Variants in ZNF541 observed in about 807,000 individuals in gnomAD.
ZNF541 encodes zinc finger protein 541.
Under a neutral mutation model 123.5 loss-of-function variants are expected in ZNF541, and 23 were observed. The ratio of observed to expected loss-of-function variants is 0.19; its 90% CI spans 0.13 to 0.26. The LOEUF is 0.26. ZNF541 is among the 10% of genes least tolerant of loss of function. The pLI is 1.00. For synonymous variants in ZNF541, 751 were observed against 754.5 expected (o/e 1.00, Z 0.08); for missense variants, 1,612 against 1,789.9 (o/e 0.90, Z 1.79).
rs142780697 is a variant in ZNF541, at chr19:47,539,608, C to T, written c.2796+97G>A. 140 of 1,305,662 alleles carry T rather than the reference C, an allele frequency of 1.1e-4. No individual in the cohort carries two copies. The East Asian group carries it at 4.0e-3, about 38-fold the overall frequency. 80.9% of individuals were successfully genotyped at this position (1,305,662 alleles called of 1,614,324 possible). On this transcript the variant is annotated intron_variant, in intron 8 of 16. Coordinates refer to ENST00000391901, the MANE Select transcript of ZNF541 (RefSeq NM_001277075.3). ...TGAGCCACCACATCCAGCCTGGAGT[C>T]AAAGATTTTCTGTGGTATCTGGTTT...
intron 2 of ZNF541, among the ~76,000 whole-genome samples, chr19:47,556,295 C>G (rs1599725336): frequency 6.6e-6 from 1 of 152,066 alleles, no homozygotes; most frequent in African/African-American, 2.4e-5. Flanking sequence ...GGAAAAATCC[C>G]AAGTGCCAGC....
intron 3 of ZNF541, among the ~76,000 whole-genome samples, chr19:47,552,351 C>A (rs569286027): frequency 1.3e-5 from 2 of 152,088 alleles, no homozygotes; most frequent in African/African-American, 4.8e-5. Context: ...GTCTTGAGGC[C>A]TAGACTCTCC....
chr19:47,535,849 G>A (rs543915529), intron 9 of ZNF541, among the ~76,000 whole-genome samples: 11 of 152,128 alleles, frequency 7.2e-5, no homozygotes, highest in East Asian at 3.9e-4. Context: ...CTAACCCAGC[G>A]GCGCTAGAGG....
intron 1 of ZNF541, among the ~76,000 whole-genome samples, 61 bp downstream of exon 1, chr19:47,573,012 AAAGAGGAAAT>A (rs1410109043): frequency 6.6e-6 from 1 of 151,744 alleles, no homozygotes; most frequent in Non-Finnish European, 1.5e-5. Flanking sequence ...GGGGTTGAAA[AAAGAGGAAAT>A]AATAGTAATG....
intron 4 of ZNF541, among the ~76,000 whole-genome samples, chr19:47,546,912 G>C (rs1265811549): frequency 6.6e-6 from 1 of 152,128 alleles, no homozygotes; most frequent in African/African-American, 2.4e-5. Flanking sequence ...TAGAGACGGG[G>C]TTTTGCCTTG....
chr19:47,524,694 C>A (rs917281309), intron 14 of ZNF541, among the ~76,000 whole-genome samples: 1 of 140,036 alleles, frequency 7.1e-6, no homozygotes, highest in Non-Finnish European at 1.5e-5. Flanking sequence ...GGTGACATAG[C>A]GAGACTCTGT....
intron 2 of ZNF541, among the ~76,000 whole-genome samples, chr19:47,558,100 AG>A (rs1486810302): frequency 6.6e-6 from 1 of 152,144 alleles, no homozygotes; most frequent in Non-Finnish European, 1.5e-5. Flanking sequence ...TAATGGCCTT[AG>A]AAAAAATAAG....
chr19:47,549,111 A>T, intron 4 of ZNF541, 134 bp downstream of exon 4: 5 of 1,162,590 alleles, frequency 4.3e-6, no homozygotes, highest in South Asian at 1.5e-5. Flanking sequence ...GGCTGAGCAG[A>T]GGTAATACAC....
intron 14 of ZNF541, among the ~76,000 whole-genome samples, chr19:47,527,793 G>A (rs1364132167): frequency 3.3e-5 from 5 of 150,914 alleles, no homozygotes; most frequent in South Asian, 2.1e-4. Context: ...TCCGCTTCCC[G>A]GGTTCAAGCG....
At chr19:47,559,235 G>C (rs1271522621) in intron 2 of ZNF541, among the ~76,000 whole-genome samples, 1 of 151,764 alleles carries the variant, frequency 6.6e-6, no homozygotes, top group African/African-American at 2.4e-5. Flanking sequence ...AGCTGGGCAT[G>C]ATGGTAGGCA....
At position 47,540,910 on chromosome 19, in the gene ZNF541, C is replaced by T. The variant is rs573431777; in HGVS notation, c.2445G>A (p.Glu815=). 12 of 1,551,376 alleles carry T rather than the reference C, an allele frequency of 7.7e-6. No individual in the cohort carries two copies. The East Asian group carries it at 2.7e-4, about 35-fold the overall frequency. The stretch of plus-strand genomic sequence containing the variant: ...TAACTTACCCTCTGCCTGCCACATT[C>T]TCTTCCTTCACCGGATGGGGGAGCC... ...IYRLPHPVKE[E]NVAGRGNQQN... is the part of the protein sequence containing the mutation. The change falls in exon 6 of 17, where the codon GAG becomes GAA. Residue 815 remains glutamate, a synonymous_variant. Transcript: ENST00000391901.
chr19:47,550,369 GGAAAGA>G (rs1021421258), intron 3 of ZNF541, among the ~76,000 whole-genome samples: 23 of 135,260 alleles, frequency 1.7e-4, no homozygotes, highest in African/African-American at 5.5e-4. Flanking sequence ...AAGGAAAGAA[GGAAAGA>G]GAAAGAGAAA....
rs180761948 is a variant in ZNF541, at chr19:47,556,197, G to A, written c.-98-243C>T. ...ATAAAAGTACTTCCAGCAACATGGT[G>A]GACTGAACTGACCTCTTGCTCCAGC... is the stretch of plus-strand genomic sequence containing the variant. On this transcript the variant is annotated intron_variant, in intron 2 of 16. Transcript: ENST00000391901. Among the ~76,000 whole-genome samples, 34 of 152,240 alleles carry A rather than the reference G, an allele frequency of 2.2e-4. 1 individual carries two copies. The highest frequency in any genetic ancestry group is 6.8e-3 in the Middle Eastern group (2 of 294).
chr19:47,522,454 C>T (rs942322168), intron 14 of ZNF541, among the ~76,000 whole-genome samples: 1 of 152,144 alleles, frequency 6.6e-6, no homozygotes, highest in Non-Finnish European at 1.5e-5. Context: ...GATTATTTTC[C>T]CGTTCCTCCA....
At chr19:47,542,179 A>G (rs1970108559) in intron 5 of ZNF541, among the ~76,000 whole-genome samples, 1 of 152,154 alleles carries the variant, frequency 6.6e-6, no homozygotes, top group South Asian at 2.1e-4. Context: ...TCCAGAACAG[A>G]CACATCCACA....
rs560272827 is a variant in ZNF541, at chr19:47,566,867, T to C, written c.-99+5029A>G. ...GAGATTGAGACCATCCTGGCTAACA[T>C]GGTGAAACCCCGTCTTTACTAAAAA... is the stretch of plus-strand genomic sequence containing the variant. On this transcript the variant is annotated intron_variant, in intron 2 of 16. Transcript: ENST00000391901. 1.5e-3 allele frequency among the ~76,000 whole-genome samples: 220 copies of C among 151,054 alleles called. 7 individuals carry two copies. The South Asian group carries it at 0.044, about 30-fold the overall frequency.
chr19:47,532,880 G>A, intron 10 of ZNF541, 29 bp downstream of exon 10: 1 of 1,547,198 alleles, frequency 6.5e-7, no homozygotes, highest in Non-Finnish European at 8.7e-7. Flanking sequence ...TGGGGTAAAA[G>A]CAGCTTCACT....
chr19:47,523,717 G>A (rs1969156526), intron 14 of ZNF541, among the ~76,000 whole-genome samples: 1 of 152,214 alleles, frequency 6.6e-6, no homozygotes, highest in African/African-American at 2.4e-5. Flanking sequence ...TTATCAACTT[G>A]TGTTTCCAGG....
chr19:47,555,488 T>C, intron 3 of ZNF541, 62 bp downstream of exon 3: 1 of 1,459,078 alleles, frequency 6.9e-7, no homozygotes, highest in Non-Finnish European at 9.1e-7. Context: ...AATCAGTCCC[T>C]AGCTGGCCAC....
Sources: gnomAD v4.1 joint callset for allele counts (sites outside exome capture counted in the v4.1 genomes callset) on GRCh38, gnomAD v4.1.1 for gene constraint, MANE v1.5 for transcripts, NCBI Gene and HGNC (gene_info 2026-07-23, HGNC 2026-07-21) for gene names.